Variants in ADAMTSL1 observed in about 807,000 individuals in gnomAD.
ADAMTSL1 encodes ADAMTS like 1, also known as ADAMTS-like protein 1.
Under a neutral mutation model 201.8 loss-of-function variants are expected in ADAMTSL1, and 126 were observed. The ratio of observed to expected loss-of-function variants is 0.62; its 90% CI spans 0.54 to 0.72. The LOEUF (loss-of-function observed/expected upper bound fraction) is 0.72. ADAMTSL1 is among the 30% of genes least tolerant of loss of function. The pLI is 0.00. For synonymous variants in ADAMTSL1, 1,121 were observed against 903.4 expected (o/e 1.24, Z -4.32); for missense variants, 2,679 against 2,277.8 (o/e 1.18, Z -3.59).
At chr9:18,820,982 A>G (rs985315404) in intron 21 of ADAMTSL1, among the ~76,000 whole-genome samples, 19 of 152,344 alleles carry the variant, frequency 1.2e-4, no homozygotes, top group African/African-American at 4.1e-4. Context: ...TAATATCAAG[A>G]GCAGAGAAGA....
At chr9:18,896,976 C>T (rs1829678721) in intron 26 of ADAMTSL1, among the ~76,000 whole-genome samples, 1 of 152,142 alleles carries the variant, frequency 6.6e-6, no homozygotes, top group Non-Finnish European at 1.5e-5. Context: ...CTGGAGACTG[C>T]CTGAGACAGA....
chr9:18,431,405 G>C (rs1172737563), intron 2 of ADAMTSL1, among the ~76,000 whole-genome samples: 1 of 152,158 alleles, frequency 6.6e-6, no homozygotes, highest in African/African-American at 2.4e-5. Flanking sequence ...GACTAAGCTT[G>C]TACATATTCA....
chr9:18,290,983 T>G (rs10963558), intron 2 of ADAMTSL1, among the ~76,000 whole-genome samples: 5,824 of 152,006 alleles, frequency 0.038, 213 homozygotes, highest in East Asian at 0.15. Context: ...GGGTTTCACC[T>G]TGTTAGCCAG....
rs554524606 is a variant in ADAMTSL1 at position 18,293,554 on chromosome 9, A to T, written c.207+129573A>T. 4.6e-5 allele frequency among the ~76,000 whole-genome samples: 7 copies of T among 152,342 alleles called. No individual in the cohort carries two copies. In the East Asian group the frequency reaches 1.2e-3, roughly 25 times the overall value. On this transcript the variant is annotated intron_variant, in intron 2 of 29. Transcript: ENST00000680146. ...CAGCGGAGAATACCGAAAGGTATGC[A>T]TAAAGAGTGAAAAAAGATGAACTTT...
chr9:17,959,954 AG>A (rs932034770), intron 1 of ADAMTSL1, among the ~76,000 whole-genome samples: 6 of 152,210 alleles, frequency 3.9e-5, no homozygotes, highest in Middle Eastern at 3.4e-3. Flanking sequence ...CCTGAGAGAA[AG>A]GGTGGTGTAT....
At chr9:18,147,058 G>T (rs1035464697) in intron 1 of ADAMTSL1, among the ~76,000 whole-genome samples, 1 of 152,054 alleles carries the variant, frequency 6.6e-6, no homozygotes, top group Non-Finnish European at 1.5e-5. Flanking sequence ...AGGCACTCAA[G>T]AATATTTAAT....
intron 4 of ADAMTSL1, among the ~76,000 whole-genome samples, chr9:18,603,246 C>A (rs775479997): frequency 6.6e-6 from 1 of 152,104 alleles, no homozygotes; most frequent in Non-Finnish European, 1.5e-5. Context: ...GTGAAGAAAC[C>A]AAGGCCTAGA....
chr9:18,215,117 G>T (rs1475291793), intron 2 of ADAMTSL1, among the ~76,000 whole-genome samples: 1 of 152,040 alleles, frequency 6.6e-6, no homozygotes, highest in Admixed American at 6.6e-5. Flanking sequence ...TTAAAATATT[G>T]TTACATTTTG....
chr9:18,348,077 ATTAGT>A (rs1173772064), intron 2 of ADAMTSL1, among the ~76,000 whole-genome samples: 2 of 152,232 alleles, frequency 1.3e-5, no homozygotes, highest in Non-Finnish European at 2.9e-5. Context: ...ATAGACCCGA[ATTAGT>A]TTAATCTCTC....
intron 2 of ADAMTSL1, among the ~76,000 whole-genome samples, chr9:18,394,017 G>T (rs1817645282): frequency 6.6e-6 from 1 of 152,202 alleles, no homozygotes; most frequent in South Asian, 2.1e-4. Context: ...TGCAGATGAT[G>T]ATCATGGAAA....
At chr9:18,815,372 C>T (rs1039777408) in intron 20 of ADAMTSL1, among the ~76,000 whole-genome samples, 6 of 150,598 alleles carry the variant, frequency 4.0e-5, no homozygotes, top group African/African-American at 1.2e-4. Context: ...AATACTTTTC[C>T]ACCATTAAAA....
chr9:17,968,588 G>C (rs1818073638), intron 1 of ADAMTSL1, among the ~76,000 whole-genome samples: 1 of 152,094 alleles, frequency 6.6e-6, no homozygotes, highest in Admixed American at 6.6e-5. Context: ...CATTGGCATT[G>C]TAGTTAGGAG....
intron 9 of ADAMTSL1, among the ~76,000 whole-genome samples, chr9:18,670,382 C>G (rs1829738050): frequency 6.6e-6 from 1 of 152,138 alleles, no homozygotes; most frequent in Non-Finnish European, 1.5e-5. Context: ...ACAGAGGTAA[C>G]CTAAGCAGGA....
intron 2 of ADAMTSL1, among the ~76,000 whole-genome samples, chr9:18,396,418 C>G (rs1292086614): frequency 6.7e-6 from 1 of 150,098 alleles, no homozygotes; most frequent in Non-Finnish European, 1.5e-5. Flanking sequence ...TTATTTTAAC[C>G]TAAAAATAAA....
At chr9:17,978,515 A>G (rs1353522965) in intron 1 of ADAMTSL1, among the ~76,000 whole-genome samples, 1 of 151,998 alleles carries the variant, frequency 6.6e-6, no homozygotes, top group East Asian at 1.9e-4. Flanking sequence ...TTACAGTTGT[A>G]ACACCTTATT....
At chr9:18,288,807 A>G (rs555425934) in intron 2 of ADAMTSL1, among the ~76,000 whole-genome samples, 1 of 152,362 alleles carries the variant, frequency 6.6e-6, no homozygotes, top group South Asian at 2.1e-4. Flanking sequence ...ATAATTTGAC[A>G]AGAACCAGAA....
At chr9:17,960,143 G>A (rs1817682330) in intron 1 of ADAMTSL1, among the ~76,000 whole-genome samples, 1 of 152,232 alleles carries the variant, frequency 6.6e-6, no homozygotes, top group Middle Eastern at 3.4e-3. Flanking sequence ...ACGGTTCCAT[G>A]TTTGGTCCAG....
chr9:18,000,622 T>G (rs916624264), intron 1 of ADAMTSL1, among the ~76,000 whole-genome samples: 31 of 152,110 alleles, frequency 2.0e-4, no homozygotes, highest in Non-Finnish European at 1.6e-4. Context: ...ACTCAAATAT[T>G]CATTTGTTAT....
At chr9:17,963,520 G>T (rs934449311) in intron 1 of ADAMTSL1, among the ~76,000 whole-genome samples, 3 of 152,138 alleles carry the variant, frequency 2.0e-5, no homozygotes, top group Non-Finnish European at 2.9e-5. Context: ...TATTCCGTAT[G>T]AAAAACAGTA....
Sources: gnomAD v4.1 joint callset for allele counts (sites outside exome capture counted in the v4.1 genomes callset) on GRCh38, gnomAD v4.1.1 for gene constraint, MANE v1.5 for transcripts, NCBI Gene and HGNC (gene_info 2026-07-23, HGNC 2026-07-21) for gene names.